Variants in DMD observed in about 807,000 individuals in gnomAD.
The protein encoded by DMD is dystrophin.
DMD carries 63 observed loss-of-function variants against 330.1 expected under a neutral mutation model. The ratio of observed to expected loss-of-function variants is 0.19; its 90% CI spans 0.16 to 0.24. DMD has a LOEUF of 0.24. Among genes scored for constraint, DMD ranks in the 10% least tolerant of loss-of-function variants. The pLI is 1.00. For synonymous variants in DMD, 1,223 were observed against 959.8 expected (o/e 1.27, Z -5.07); for missense variants, 3,344 against 2,684.1 (o/e 1.25, Z -5.43).
chrX:31,959,774 T>G (rs1352161630), intron 45 of DMD, among the ~76,000 whole-genome samples: 1 of 58,702 alleles, frequency 1.7e-5, no homozygotes, highest in Non-Finnish European at 3.7e-5. Context: ...CCGTGGTTTT[T>G]TTTTTTTTTT....
chrX:32,691,744 G>A (rs1274282091), intron 9 of DMD, among the ~76,000 whole-genome samples: 3 of 111,491 alleles, frequency 2.7e-5, no homozygotes, highest in African/African-American at 6.5e-5. Context: ...GAGCCAAGAT[G>A]TGGAAACATC....
chrX:31,848,061 C>A (rs758964078), intron 48 of DMD, among the ~76,000 whole-genome samples: 1 of 111,447 alleles, frequency 9.0e-6, no homozygotes, highest in Non-Finnish European at 1.9e-5. Flanking sequence ...TGTGCATACA[C>A]GCACATGTGC....
At chrX:32,336,139 G>A (rs181442296) in intron 41 of DMD, among the ~76,000 whole-genome samples, 15 of 108,820 alleles carry the variant, frequency 1.4e-4, no homozygotes, top group South Asian at 3.9e-4. Flanking sequence ...ATGTGCATAC[G>A]TGTATAACAT....
intron 34 of DMD, among the ~76,000 whole-genome samples, chrX:32,376,527 G>A (rs1485962746): frequency 9.1e-6 from 1 of 110,480 alleles, no homozygotes; most frequent in Admixed American, 9.7e-5. Context: ...ATGGACTATG[G>A]CCCTATAAAT....
chrX:32,058,989 G>A (rs992972671), intron 44 of DMD, among the ~76,000 whole-genome samples: 5 of 111,320 alleles, frequency 4.5e-5, no homozygotes, highest in African/African-American at 9.8e-5. Context: ...TAAGCAAGTC[G>A]TAAAAGGACA....
intron 30 of DMD, among the ~76,000 whole-genome samples, chrX:32,397,125 A>G (rs190067060): frequency 8.9e-5 from 10 of 111,773 alleles, no homozygotes; most frequent in Admixed American, 3.8e-4. Flanking sequence ...CATTGGGGAT[A>G]GAAGATTCAA....
At chrX:32,084,297 C>T (rs1039199258) in intron 44 of DMD, among the ~76,000 whole-genome samples, 11 of 110,645 alleles carry the variant, frequency 9.9e-5, no homozygotes, top group African/African-American at 3.3e-4. Context: ...CACATGACAT[C>T]GAGAAGTGAG....
chrX:33,033,741 G>A (rs765905187), intron 1 of DMD, among the ~76,000 whole-genome samples: 10 of 110,132 alleles, frequency 9.1e-5, no homozygotes, highest in Non-Finnish European at 1.5e-4. Flanking sequence ...TCTCATACTA[G>A]CCTTATTGTT....
chrX:32,536,822 A>G (rs1412062504), intron 17 of DMD, among the ~76,000 whole-genome samples: 1 of 111,725 alleles, frequency 9.0e-6, no homozygotes, highest in Non-Finnish European at 1.9e-5. Context: ...AAAGATCACA[A>G]AAGAATTTCT....
chrX:31,689,434 G>C (rs1243653780), intron 52 of DMD, among the ~76,000 whole-genome samples: 5 of 111,532 alleles, frequency 4.5e-5, no homozygotes, highest in African/African-American at 1.6e-4. Flanking sequence ...ACCTCTTCAA[G>C]GAGAACTACA....
chrX:32,596,652 T>C (rs1014533802), intron 12 of DMD, among the ~76,000 whole-genome samples: 1 of 110,703 alleles, frequency 9.0e-6, no homozygotes, highest in African/African-American at 3.3e-5. Context: ...TTCAAGGGAT[T>C]CTCCTGCCTC....
chrX:32,351,363 A>G (rs986167435), intron 37 of DMD, among the ~76,000 whole-genome samples: 8 of 111,042 alleles, frequency 7.2e-5, no homozygotes, highest in Admixed American at 9.6e-5. Flanking sequence ...GTAATGGTGA[A>G]CATGGAGGAT....
At chrX:33,128,063 C>A in intron 1 of DMD, 4 of 1,174,575 alleles carry the variant, frequency 3.4e-6, no homozygotes, top group Non-Finnish European at 3.4e-6. Flanking sequence ...AAAGAGTCAC[C>A]TTTAGGGAAG....
chrX:32,001,058 T>A (rs756755114), intron 44 of DMD, among the ~76,000 whole-genome samples: 66 of 111,455 alleles, frequency 5.9e-4, no homozygotes, highest in Non-Finnish European at 1.0e-3. Flanking sequence ...ATTAAATACC[T>A]TTCAGATTAA....
intron 52 of DMD, among the ~76,000 whole-genome samples, chrX:31,725,041 T>G (rs1227307869): frequency 8.9e-6 from 1 of 112,079 alleles, no homozygotes; most frequent in Non-Finnish European, 1.9e-5. Flanking sequence ...CCTAATATTT[T>G]AAGTTGTCAG....
At chrX:32,539,132 CTT>C in intron 17 of DMD, among the ~76,000 whole-genome samples, 1 of 106,243 alleles carries the variant, frequency 9.4e-6, no homozygotes, top group Non-Finnish European at 1.9e-5. Context: ...AGATGGTTAT[CTT>C]TTTGAGGATG....
intron 37 of DMD, among the ~76,000 whole-genome samples, chrX:32,350,964 C>A (rs930898217): frequency 5.4e-5 from 6 of 110,766 alleles, no homozygotes; most frequent in African/African-American, 2.0e-4. Context: ...TAGATTGAAT[C>A]TGGGCTCTAC....
chrX:32,867,693 A>T (rs2082623354), intron 2 of DMD, among the ~76,000 whole-genome samples: 1 of 112,046 alleles, frequency 8.9e-6, no homozygotes, highest in South Asian at 3.7e-4. Flanking sequence ...CCAAAAGGAA[A>T]TTGAAATGAC....
chrX:31,202,181 AT>A (rs1196960159), intron 67 of DMD, among the ~76,000 whole-genome samples: 1 of 111,879 alleles, frequency 8.9e-6, no homozygotes. Flanking sequence ...GGGAGACTCC[AT>A]CTCAAAACAA....
Sources: gnomAD v4.1 joint callset for allele counts (sites outside exome capture counted in the v4.1 genomes callset) on GRCh38, gnomAD v4.1.1 for gene constraint, MANE v1.5 for transcripts, NCBI Gene and HGNC (gene_info 2026-07-23, HGNC 2026-07-21) for gene names.